The following PDE7B variants were observed in gnomAD, a reference collection of about 807,000 sequenced individuals.
The protein encoded by PDE7B is phosphodiesterase 7B, also known as 3',5'-cyclic-AMP phosphodiesterase 7B.
A neutral mutation model predicts 56.2 loss-of-function variants in PDE7B; 29 were observed. The ratio of observed to expected loss-of-function variants is 0.52; its 90% CI spans 0.38 to 0.70. The LOEUF (loss-of-function observed/expected upper bound fraction) is 0.70. Among genes scored for constraint, PDE7B ranks in the 30% least tolerant of loss-of-function variants. The pLI, the probability that PDE7B is intolerant of heterozygous loss-of-function variation, is 0.00. For synonymous variants in PDE7B, 197 were observed against 196.9 expected (o/e 1.00, Z 0.00); for missense variants, 490 against 565.0 (o/e 0.87, Z 1.35).
At chr6:136,104,018 C>A (rs1216169382) in intron 2 of PDE7B, among the ~76,000 whole-genome samples, 1 of 152,162 alleles carries the variant, frequency 6.6e-6, no homozygotes, top group East Asian at 1.9e-4. Context: ...GCGTGAGAGG[C>A]CAAGTAAGCA....
chr6:135,875,958 A>G (rs1050723733), intron 1 of PDE7B, among the ~76,000 whole-genome samples: 1 of 152,146 alleles, frequency 6.6e-6, no homozygotes, highest in Non-Finnish European at 1.5e-5. Context: ...GTCTTCTGCA[A>G]AGGACACACC....
chr6:135,891,938 C>A (rs542735621), intron 1 of PDE7B, among the ~76,000 whole-genome samples: 1 of 152,164 alleles, frequency 6.6e-6, no homozygotes, highest in South Asian at 2.1e-4. Flanking sequence ...CCTCCCACTC[C>A]AGTCCACAGC....
At position 136,147,477 on chromosome 6, in the gene PDE7B, A is replaced by G. The variant is rs1282051913; in HGVS notation, c.293A>G (p.Asp98Gly). The change falls in exon 4 of 13, where the codon GAT becomes GGT. Residue 98 changes from aspartate (D) to glycine (G), a missense_variant. Asp to Gly is a moderately conservative substitution (Grantham distance 94). Coordinates refer to ENST00000308191, the MANE Select transcript of PDE7B (RefSeq NM_018945.4). Reference sequence around the variant, plus strand: ...CCACAAGCCCCTCTGCACCTGCTGGATGAAGACTACCTTGGACAAGCAAGG... The same window carrying G: ...CCACAAGCCCCTCTGCACCTGCTGGGTGAAGACTACCTTGGACAAGCAAGG... ...IIPQAPLHLL[D>G]EDYLGQARHM... The G allele has an allele frequency of 6.2e-7, 1 of 1,613,948 alleles. No homozygotes were observed.
intron 1 of PDE7B, among the ~76,000 whole-genome samples, chr6:135,937,628 A>T (rs1562446197): frequency 1.3e-5 from 2 of 152,182 alleles, no homozygotes; most frequent in Non-Finnish European, 2.9e-5. Context: ...ACCCATCAGG[A>T]TGTAGCCAGT....
chr6:136,112,225 T>G (rs2128442398), intron 3 of PDE7B, among the ~76,000 whole-genome samples: 1 of 152,256 alleles, frequency 6.6e-6, no homozygotes, highest in Admixed American at 6.5e-5. Context: ...GACATCAGAA[T>G]TAAAATCTAA....
chr6:136,041,641 G>A (rs1400000585), intron 2 of PDE7B, among the ~76,000 whole-genome samples: 1 of 152,236 alleles, frequency 6.6e-6, no homozygotes, highest in East Asian at 1.9e-4. Flanking sequence ...ATTGGCCAAG[G>A]CACTGTTCAC....
intron 2 of PDE7B, among the ~76,000 whole-genome samples, chr6:136,081,340 T>C (rs1411534989): frequency 6.6e-6 from 1 of 152,100 alleles, no homozygotes; most frequent in Non-Finnish European, 1.5e-5. Flanking sequence ...ATCCAATAAA[T>C]ATTGAGGCAA....
intron 8 of PDE7B, among the ~76,000 whole-genome samples, chr6:136,172,662 G>C (rs369707865): frequency 1.3e-5 from 2 of 151,600 alleles, no homozygotes; most frequent in Non-Finnish European, 2.9e-5. Flanking sequence ...GTCAATTTTG[G>C]CTTTTGTTGC....
At chr6:135,899,103 T>C (rs1056138108) in intron 1 of PDE7B, among the ~76,000 whole-genome samples, 35 of 152,242 alleles carry the variant, frequency 2.3e-4, no homozygotes, top group Non-Finnish European at 1.8e-4. Flanking sequence ...CCTGCCATCA[T>C]GTAAGATGTG....
At chr6:135,945,538 A>G (rs1774581863) in intron 1 of PDE7B, among the ~76,000 whole-genome samples, 1 of 152,190 alleles carries the variant, frequency 6.6e-6, no homozygotes, top group African/African-American at 2.4e-5. Flanking sequence ...ATGTAACAGC[A>G]TCATCCTTTC....
intron 1 of PDE7B, among the ~76,000 whole-genome samples, chr6:135,869,879 G>A (rs936024076): frequency 2.0e-4 from 30 of 152,212 alleles, no homozygotes; most frequent in African/African-American, 7.0e-4. Flanking sequence ...TGCTTTTGGA[G>A]CAAAATGAGG....
chr6:136,135,472 T>G (rs1405286863), intron 3 of PDE7B, among the ~76,000 whole-genome samples: 1 of 152,104 alleles, frequency 6.6e-6, no homozygotes, highest in African/African-American at 2.4e-5. Flanking sequence ...CAAAGTCATT[T>G]ATAATGACTT....
At chr6:136,114,742 G>T (rs1033126465) in intron 3 of PDE7B, 2 of 152,214 alleles carry the variant, frequency 1.3e-5, no homozygotes, top group Admixed American at 1.3e-4. Flanking sequence ...GGAGGTGTCC[G>T]CTGGGACTTG....
In PDE7B at chr6:135,957,280, T is replaced by C. The variant is rs142846498; in HGVS notation, c.82+9756T>C. 4.4e-3 allele frequency among the ~76,000 whole-genome samples: 665 copies of C among 152,182 alleles called. 6 individuals carry two copies. The highest frequency in any genetic ancestry group is 0.017 in the South Asian group (82 of 4,804). ...ATGCAAGCATACAGAACTAGGTTAA[T>C]TCAAAACTAATGTTACAAGAAATAT... On this transcript the variant is annotated intron_variant, in intron 2 of 12. Transcript: ENST00000308191.
At chr6:135,917,392 A>G (rs934576188) in intron 1 of PDE7B, among the ~76,000 whole-genome samples, 1 of 152,058 alleles carries the variant, frequency 6.6e-6, no homozygotes. Flanking sequence ...GCCCTACCCA[A>G]TGAATTTTTA....
intron 2 of PDE7B, among the ~76,000 whole-genome samples, chr6:135,992,180 AT>A (rs1405414676): frequency 6.6e-6 from 1 of 151,668 alleles, no homozygotes; most frequent in African/African-American, 2.4e-5. Context: ...CACACATAAA[AT>A]ACACTAATAC....
chr6:136,055,906 G>A (rs1181885060), intron 2 of PDE7B, among the ~76,000 whole-genome samples: 1 of 152,186 alleles, frequency 6.6e-6, no homozygotes, highest in African/African-American at 2.4e-5. Flanking sequence ...CTTTGTATTA[G>A]TAAGACACTG....
At chr6:136,174,894 A>C (rs1171018303) in intron 9 of PDE7B, among the ~76,000 whole-genome samples, 1 of 152,212 alleles carries the variant, frequency 6.6e-6, no homozygotes, top group African/African-American at 2.4e-5. Flanking sequence ...AATAAATTGC[A>C]AAGATTGAAA....
intron 3 of PDE7B, among the ~76,000 whole-genome samples, chr6:136,133,816 T>A (rs1240936460): frequency 1.3e-5 from 2 of 152,234 alleles, no homozygotes; most frequent in East Asian, 3.9e-4. Context: ...TGAGGTGGGC[T>A]GCCGAAGGAC....
Sources: allele counts gnomAD v4.1 joint callset (sites outside exome capture counted in the v4.1 genomes callset), GRCh38; gene constraint gnomAD v4.1.1; transcripts MANE v1.5; gene names NCBI Gene and HGNC (gene_info 2026-07-23, HGNC 2026-07-21).